TNRC6B: variants seen among roughly 807,000 people sequenced by gnomAD.
TNRC6B encodes trinucleotide repeat-containing gene 6B protein.
A neutral mutation model predicts 203.6 loss-of-function variants in TNRC6B; 52 were observed. That is an observed-to-expected ratio of 0.26 (90% CI 0.20 to 0.32). The LOEUF (loss-of-function observed/expected upper bound fraction) is 0.32, where lower values mean the gene tolerates loss of function less well. Ranked by LOEUF, TNRC6B falls within the 10% of genes least tolerant of loss-of-function variation. The pLI is 1.00. For synonymous variants in TNRC6B, 838 were observed against 845.7 expected, an observed-to-expected ratio of 0.99 and a Z score of 0.16; for missense variants, 1,923 against 2,286.2, an observed-to-expected ratio of 0.84 and a Z score of 3.24.
rs955369459 is a variant in TNRC6B at position 40,126,580 on chromosome 22, ATTTTTTT to A, written c.45+741_45+747del. On this transcript the variant is annotated intron_variant, in intron 3 of 23. Transcript: ENST00000301923. ...CTGTTGCTACAAAGGACGTTATTTA[ATTTTTTT>A]TTTTTTTTTTTTTTTTTTTTTTAGA... is the stretch of plus-strand genomic sequence containing the variant. Among the ~76,000 whole-genome samples, 150 of 88,776 alleles carry A rather than the reference ATTTTTTT, an allele frequency of 1.7e-3. 1 individual carries two copies. Among genetic ancestry groups the A allele is most frequent in the African/African-American group, 7.1e-3 (144 of 20,372 alleles). The allele number at this position is 88,776 out of a possible 152,430, so 58.2% of individuals were successfully genotyped here.
At chr22:40,118,627 T>C (rs1438994386) in intron 2 of TNRC6B, among the ~76,000 whole-genome samples, 3 of 152,214 alleles carry the variant, frequency 2.0e-5, no homozygotes, top group Non-Finnish European at 4.4e-5. Context: ...TACATAGAAA[T>C]TTATTGAATA....
chr22:40,079,315 T>C (rs1241078521), intron 1 of TNRC6B, among the ~76,000 whole-genome samples: 2 of 152,148 alleles, frequency 1.3e-5, no homozygotes, highest in Non-Finnish European at 2.9e-5. Flanking sequence ...TACAGAGCTC[T>C]CCAGGTAGCC....
chr22:40,059,816 T>G (rs1019791978), intron 1 of TNRC6B, among the ~76,000 whole-genome samples: 1 of 109,890 alleles, frequency 9.1e-6, no homozygotes, highest in Non-Finnish European at 1.7e-5. Context: ...TAGAGTTTGG[T>G]TTTTTTTTTT....
At chr22:40,075,157 T>TATATATATATATATATATATATATA (rs1491547107) in intron 1 of TNRC6B, among the ~76,000 whole-genome samples, 10 of 34,490 alleles carry the variant, frequency 2.9e-4, no homozygotes, top group Admixed American at 4.2e-4. Flanking sequence ...TATATATATA[T>TATATATATATATATATATATATATA]TTTTTTTTTT....
At chr22:40,256,258 G>A (rs1316407948) in intron 3 of TNRC6B, among the ~76,000 whole-genome samples, 1 of 152,200 alleles carries the variant, frequency 6.6e-6, no homozygotes, top group African/African-American at 2.4e-5. Flanking sequence ...AAGATGATAA[G>A]TGGTAGTTAA....
chr22:40,142,099 A>T (rs1305147849), intron 3 of TNRC6B, among the ~76,000 whole-genome samples: 1 of 151,324 alleles, frequency 6.6e-6, no homozygotes, highest in Admixed American at 6.6e-5. Context: ...TAACTCTGTC[A>T]CCCAGGCTGG....
chr22:40,061,993 G>C (rs12168310), intron 1 of TNRC6B, among the ~76,000 whole-genome samples: 1,913 of 152,170 alleles, frequency 0.013, 40 homozygotes, highest in African/African-American at 0.044. Context: ...AGAATCGCTT[G>C]AATCTGGGAG....
At chr22:40,306,855 T>C (rs372461209) in intron 15 of TNRC6B, among the ~76,000 whole-genome samples, 2 of 152,026 alleles carry the variant, frequency 1.3e-5, no homozygotes, top group African/African-American at 4.8e-5. Flanking sequence ...GGCATGGCTG[T>C]GGTGTGCCTG....
chr22:40,248,668 A>C (rs1404009226), intron 2 of TNRC6B, among the ~76,000 whole-genome samples: 1 of 152,248 alleles, frequency 6.6e-6, no homozygotes, highest in Non-Finnish European at 1.5e-5. Flanking sequence ...GTAGCTGGAC[A>C]GTCTCTCCTA....
At chr22:40,143,100 A>G (rs1270405592) in intron 3 of TNRC6B, among the ~76,000 whole-genome samples, 1 of 152,188 alleles carries the variant, frequency 6.6e-6, no homozygotes, top group African/African-American at 2.4e-5. Flanking sequence ...TTCATGAAAC[A>G]TTGTAAACTT....
chr22:40,184,369 T>A (rs537605023), intron 1 of TNRC6B, among the ~76,000 whole-genome samples: 1 of 152,178 alleles, frequency 6.6e-6, no homozygotes, highest in Admixed American at 6.5e-5. Context: ...CTAGTGGACA[T>A]TGGCATATTT....
intron 1 of TNRC6B, among the ~76,000 whole-genome samples, chr22:40,180,868 G>T (rs62236839): frequency 0.11 from 17,022 of 151,992 alleles, 1,018 homozygotes; most frequent in South Asian, 0.15. Flanking sequence ...TGGAGAAAGT[G>T]AATATAATCC....
intron 1 of TNRC6B, among the ~76,000 whole-genome samples, chr22:40,190,296 C>A (rs1398564133): frequency 6.6e-6 from 1 of 152,152 alleles, no homozygotes; most frequent in Non-Finnish European, 1.5e-5. Context: ...AAACCAAGCC[C>A]ACTCCATTAG....
intron 3 of TNRC6B, among the ~76,000 whole-genome samples, chr22:40,127,463 T>TCACA (rs762540572): frequency 6.6e-6 from 1 of 150,602 alleles, no homozygotes. Context: ...GGAATCTCCC[T>TCACA]CACACACACA....
At chr22:40,064,791 A>G (rs992168783) in intron 1 of TNRC6B, among the ~76,000 whole-genome samples, 3 of 151,168 alleles carry the variant, frequency 2.0e-5, no homozygotes, top group Non-Finnish European at 4.4e-5. Context: ...TAATTTTTGT[A>G]TTTTTAGTAG....
chr22:40,133,718 C>T (rs1235607600), intron 3 of TNRC6B, among the ~76,000 whole-genome samples: 2 of 152,022 alleles, frequency 1.3e-5, no homozygotes, highest in Non-Finnish European at 2.9e-5. Context: ...CCTGTAATCC[C>T]AGCACTTTGG....
intron 1 of TNRC6B, among the ~76,000 whole-genome samples, chr22:40,191,044 C>T (rs571830971): frequency 6.6e-6 from 1 of 152,262 alleles, no homozygotes; most frequent in Admixed American, 6.5e-5. Context: ...GACGACGCTT[C>T]GGAATCCTTG....
At chr22:40,158,946 A>G (rs2146355711) in intron 4 of TNRC6B, among the ~76,000 whole-genome samples, 1 of 152,222 alleles carries the variant, frequency 6.6e-6, no homozygotes, top group Admixed American at 6.5e-5. Context: ...CAGTCTGGAT[A>G]GGGAATCTAG....
At chr22:40,291,503 C>G (rs1460028313) in intron 12 of TNRC6B, among the ~76,000 whole-genome samples, 1 of 152,196 alleles carries the variant, frequency 6.6e-6, no homozygotes, top group Non-Finnish European at 1.5e-5. Context: ...ATTCCCTATT[C>G]AGACACTATT....
Sources: gnomAD v4.1 joint callset for allele counts (sites outside exome capture counted in the v4.1 genomes callset) on GRCh38, gnomAD v4.1.1 for gene constraint, MANE v1.5 for transcripts, NCBI Gene and HGNC (gene_info 2026-07-23, HGNC 2026-07-21) for gene names.